Variants in CCDC148 observed in about 807,000 individuals in gnomAD.
CCDC148 encodes coiled-coil domain-containing protein 148.
Under a neutral mutation model 85.7 loss-of-function variants are expected in CCDC148, and 89 were observed. That is an observed-to-expected ratio of 1.04 (90% CI 0.87 to 1.24). CCDC148 has a LOEUF of 1.24. Ranked by LOEUF, CCDC148 falls within the 50% of genes most tolerant of loss-of-function variation. CCDC148 has a pLI of 0.00. For synonymous variants in CCDC148, 230 were observed against 213.9 expected (o/e 1.08, Z -0.66); for missense variants, 692 against 671.7 (o/e 1.03, Z -0.33).
At chr2:158,279,432 G>C (rs1690146497) in intron 9 of CCDC148, among the ~76,000 whole-genome samples, 1 of 152,242 alleles carries the variant, frequency 6.6e-6, no homozygotes, top group South Asian at 2.1e-4. Flanking sequence ...AGTGCTTAAA[G>C]GAGCTGATGG....
At chr2:158,433,261 A>ATATATATATATAT (rs1553521613) in intron 1 of CCDC148, among the ~76,000 whole-genome samples, 12 of 122,552 alleles carry the variant, frequency 9.8e-5, no homozygotes, top group Non-Finnish European at 2.2e-4. Flanking sequence ...CCTTGACTCA[A>ATATATATATATAT]ATATATATAT....
At chr2:158,394,050 C>G (rs1271786602) in intron 1 of CCDC148, among the ~76,000 whole-genome samples, 1 of 152,046 alleles carries the variant, frequency 6.6e-6, no homozygotes, top group Non-Finnish European at 1.5e-5. Flanking sequence ...GTAAGGGACT[C>G]TGAGGACTGA....
chr2:158,373,972 G>T (rs1684552926), intron 1 of CCDC148, among the ~76,000 whole-genome samples: 1 of 151,956 alleles, frequency 6.6e-6, no homozygotes, highest in Non-Finnish European at 1.5e-5. Context: ...ATACATATTT[G>T]CTGAAAGAGC....
At chr2:158,207,001 T>C (rs1323895125) in intron 11 of CCDC148, among the ~76,000 whole-genome samples, 2 of 152,214 alleles carry the variant, frequency 1.3e-5, no homozygotes, top group African/African-American at 4.8e-5. Context: ...CATGGTATAA[T>C]ACCCCAAAGG....
intron 11 of CCDC148, among the ~76,000 whole-genome samples, chr2:158,218,796 G>T (rs758734742): frequency 6.6e-5 from 10 of 152,272 alleles, no homozygotes; most frequent in Middle Eastern, 3.4e-3. Context: ...TTGTTAATCT[G>T]GGTTCTCATT....
At chr2:158,438,324 A>G (rs189770521) in intron 1 of CCDC148, among the ~76,000 whole-genome samples, 4,142 of 152,302 alleles carry the variant, frequency 0.027, 75 homozygotes, top group Middle Eastern at 0.1. Flanking sequence ...AATGCCGCAT[A>G]TCTACAACCA....
At chr2:158,178,373 T>C (rs1282253660) in intron 12 of CCDC148, among the ~76,000 whole-genome samples, 2 of 152,212 alleles carry the variant, frequency 1.3e-5, no homozygotes, top group Non-Finnish European at 2.9e-5. Context: ...CCATCCATTT[T>C]CATCTACTTT....
intron 2 of CCDC148, among the ~76,000 whole-genome samples, chr2:158,349,416 A>G (rs1402938025): frequency 6.6e-6 from 1 of 151,968 alleles, no homozygotes. Flanking sequence ...TAAGAATAAT[A>G]ATACATTCTT....
At chr2:158,295,266 T>G (rs941568562) in intron 9 of CCDC148, among the ~76,000 whole-genome samples, 2 of 152,128 alleles carry the variant, frequency 1.3e-5, no homozygotes, top group South Asian at 4.2e-4. Flanking sequence ...CAGGACCAGA[T>G]GGATTCACAG....
intron 2 of CCDC148, among the ~76,000 whole-genome samples, chr2:158,348,905 T>C (rs1683126035): frequency 1.3e-5 from 2 of 152,066 alleles, no homozygotes; most frequent in Admixed American, 6.5e-5. Context: ...ATTGCAAAGA[T>C]CTCTTTTACA....
chr2:158,324,150 G>A (rs78154608), intron 7 of CCDC148, among the ~76,000 whole-genome samples: 352 of 151,684 alleles, frequency 2.3e-3, no homozygotes, highest in African/African-American at 7.3e-3. Flanking sequence ...ACTGTTGACC[G>A]AAAATGATCC....
chr2:158,347,689 T>C (rs1683061865), intron 2 of CCDC148, among the ~76,000 whole-genome samples: 1 of 152,098 alleles, frequency 6.6e-6, no homozygotes, highest in South Asian at 2.1e-4. Context: ...CTTATTGTGA[T>C]GGTCCAAGAT....
chr2:158,255,102 T>C (rs1688956891), intron 9 of CCDC148, among the ~76,000 whole-genome samples: 1 of 149,622 alleles, frequency 6.7e-6, no homozygotes, highest in South Asian at 2.1e-4. Context: ...TAGATCTTAA[T>C]ACAAGAAAAA....
chr2:158,342,026 C>CTTTTTTTTTTTTTTTTT (rs1159799812), intron 3 of CCDC148, among the ~76,000 whole-genome samples: 1 of 62,660 alleles, frequency 1.6e-5, no homozygotes, highest in Non-Finnish European at 2.7e-5. Context: ...ATTTTCTTTT[C>CTTTTTTTTTTTTTTTTT]TTTTTTTTTT....
At chr2:158,402,556 C>T (rs1022907840) in intron 1 of CCDC148, among the ~76,000 whole-genome samples, 6 of 152,088 alleles carry the variant, frequency 3.9e-5, no homozygotes, top group African/African-American at 1.4e-4. Context: ...CTAATTCCAT[C>T]ACCATTACTC....
chr2:158,439,009 C>T, intron 1 of CCDC148, among the ~76,000 whole-genome samples: 1 of 152,122 alleles, frequency 6.6e-6, no homozygotes, highest in Non-Finnish European at 1.5e-5. Flanking sequence ...GAAATAGGAA[C>T]ACTTTTACAC....
At chr2:158,351,722 C>A (rs1683307102) in intron 2 of CCDC148, among the ~76,000 whole-genome samples, 1 of 152,110 alleles carries the variant, frequency 6.6e-6, no homozygotes, top group Non-Finnish European at 1.5e-5. Flanking sequence ...GCGGAGCCCA[C>A]CACAGCTCAA....
intron 1 of CCDC148, among the ~76,000 whole-genome samples, chr2:158,396,746 T>C (rs2105301880): frequency 6.6e-6 from 1 of 152,192 alleles, no homozygotes; most frequent in South Asian, 2.1e-4. Flanking sequence ...CATACTTTGT[T>C]GTAAAAAGGG....
At chr2:158,210,532 C>A (rs1176361712) in intron 11 of CCDC148, among the ~76,000 whole-genome samples, 5 of 152,142 alleles carry the variant, frequency 3.3e-5, no homozygotes, top group African/African-American at 1.2e-4. Flanking sequence ...CCACATCACA[C>A]TTACTCTAAA....
Sources: allele counts gnomAD v4.1 joint callset (sites outside exome capture counted in the v4.1 genomes callset), GRCh38; gene constraint gnomAD v4.1.1; transcripts MANE v1.5; gene names NCBI Gene and HGNC (gene_info 2026-07-23, HGNC 2026-07-21).